Variants in C6orf132 observed in about 807,000 individuals in gnomAD.
C6orf132 encodes the protein chromosome 6 open reading frame 132.
A neutral mutation model predicts 65.3 loss-of-function variants in C6orf132; 43 were observed. The observed-to-expected ratio is 0.66, with a 90% CI of 0.52 to 0.85. The LOEUF is 0.85. Ranked by LOEUF, C6orf132 falls within the 40% of genes least tolerant of loss-of-function variation. C6orf132 has a pLI of 0.00. For synonymous variants in C6orf132, 631 were observed against 654.1 expected (o/e 0.96, Z 0.54); for missense variants, 1,488 against 1,548.8 (o/e 0.96, Z 0.66).
intron 1 of C6orf132, among the ~76,000 whole-genome samples, chr6:42,135,413 T>TGGCGGGTGGGCCAGCTCCG (rs1766925243): frequency 6.6e-6 from 1 of 152,204 alleles, no homozygotes; most frequent in Non-Finnish European, 1.5e-5. Context: ...GTGTTAAATG[T>TGGCGGGTGGGCCAGCTCCG]GGCGGGTGGG....
At position 42,104,580 on chromosome 6, in the gene C6orf132, G is replaced by A. The variant is rs1430555648; in HGVS notation, c.3332C>T (p.Pro1111Leu). ...CCTCGGCGCGTGCAGGCCTCCGGGG[G>A]GCGCGCGACCCGCCGAGTTCACGCG... ...MRRVNSAGRAPPGGLHAPRLS... is the reference protein window; with the variant it reads ...MRRVNSAGRALPGGLHAPRLS... The change falls in exon 4 of 5, where the codon CCC becomes CTC. Residue 1111 changes from proline to leucine, a missense_variant. Pro to Leu is a moderately conservative substitution (Grantham distance 98). Coordinates refer to ENST00000341865, the MANE Select transcript of C6orf132 (RefSeq NM_001164446.3). This position sits in a 1 kb window ranked among gnomAD's most constrained non-coding sequence, Gnocchi z 4.1. 1.4e-5 allele frequency: 18 copies of A among 1,323,544 alleles called. No individual in the cohort carries two copies. Among genetic ancestry groups the A allele is most frequent in the Non-Finnish European group, 1.7e-5 (18 of 1,041,580 alleles). 82.0% of individuals were successfully genotyped at this position (1,323,544 alleles called of 1,614,324 possible). A position where few individuals can be genotyped will look rare whatever the true frequency, so the allele number is the denominator to read the frequency against.
intron 2 of C6orf132, among the ~76,000 whole-genome samples, chr6:42,128,380 G>A (rs986554851): frequency 6.6e-6 from 1 of 152,132 alleles, no homozygotes; most frequent in South Asian, 2.1e-4. Context: ...ATCTGTGACT[G>A]TGGAAAATGA....
At chr6:42,119,248 C>CAAAAAAAAAAAAAAAAA (rs1156356191) in intron 2 of C6orf132, among the ~76,000 whole-genome samples, 6 of 44,776 alleles carry the variant, frequency 1.3e-4, no homozygotes, top group African/African-American at 5.9e-4. Context: ...GACTCTGTCT[C>CAAAAAAAAAAAAAAAAA]AAAAAAAAAA....
rs2127473015 is a variant in C6orf132, at chr6:42,105,259, T to G, written c.2653A>C (p.Ser885Arg). 1.3e-6 allele frequency: 2 copies of G among 1,537,226 alleles called. No homozygotes were observed. The highest frequency in any genetic ancestry group is 2.7e-5 in the African/African-American group (2 of 73,170). ...AEASSDSIFH[S>R]QGTPNSFTVV... The stretch of plus-strand genomic sequence containing the variant: ...GTGAAGGAGTTGGGCGTGCCCTGGC[T>G]GTGGAAGATGCTGTCAGAGCTGGCC... The change falls in exon 4 of 5, where the codon AGC becomes CGC. Residue 885 changes from serine to arginine, a missense_variant. By Grantham distance (110) the Ser-to-Arg change is moderately radical (BLOSUM62 -1). Coordinates refer to ENST00000341865, the MANE Select transcript of C6orf132 (RefSeq NM_001164446.3).
chr6:42,139,985 A>C (rs1767007693), intron 1 of C6orf132, among the ~76,000 whole-genome samples: 1 of 152,238 alleles, frequency 6.6e-6, no homozygotes, highest in Non-Finnish European at 1.5e-5. Flanking sequence ...CTGCACCTGC[A>C]TCCCATCACA....
intron 2 of C6orf132, among the ~76,000 whole-genome samples, chr6:42,112,357 C>T (rs78953576): frequency 0.041 from 6,284 of 152,244 alleles, 222 homozygotes; most frequent in Non-Finnish European, 0.058. Context: ...AGCTGAGCCC[C>T]TCTAGGATGA....
At position 42,106,282 on chromosome 6, in the gene C6orf132, G is replaced by C. The variant is rs1338040283; in HGVS notation, c.1630C>G (p.Pro544Ala). The C allele has an allele frequency of 2.0e-6, 3 of 1,536,790 alleles. No homozygotes were observed. Among genetic ancestry groups the C allele is most frequent in the Non-Finnish European group, 2.6e-6 (3 of 1,146,902 alleles). Residue 544 changes from proline (P) to alanine (A), a missense_variant, in exon 4 of 5, where the codon CCC (proline) becomes GCC (alanine). Pro to Ala is a conservative substitution (Grantham distance 27). Coordinates refer to ENST00000341865, the MANE Select transcript of C6orf132 (RefSeq NM_001164446.3). ...TCCACAGAGGGCAGGGTCAGGCTGG[G>C]GGCAGCCTCTGTCTCTGTCAGGCTG... ...GSSLTETEAA[P>A]SLTLPSVDYI...
intron 2 of C6orf132, among the ~76,000 whole-genome samples, chr6:42,123,290 G>T (rs1261919647): frequency 2.0e-5 from 3 of 152,082 alleles, no homozygotes; most frequent in Non-Finnish European, 2.9e-5. Context: ...GGCTGAGGCA[G>T]GAGAATGGCT....
Position 42,106,897 on chromosome 6 carries a change from G to C in C6orf132, c.1015C>G (p.Pro339Ala). Residue 339 changes from proline (P) to alanine (A), a missense_variant, in exon 4 of 5, where the codon CCA (proline) becomes GCA (alanine). Pro to Ala is a conservative substitution (Grantham distance 27, BLOSUM62 -1). Transcript: ENST00000341865. Reference protein sequence around the residue: ...GATKKAPSRLPLPPSFHIRPA... With the variant: ...GATKKAPSRLALPPSFHIRPA... ...CGGATGTGGAAGCTGGGAGGCAGTG[G>C]GAGTCGGCTGGGAGCCTTCTTGGTG... 6.5e-7 allele frequency: 1 copy of C among 1,536,028 alleles called. No individual in the cohort carries two copies. The highest frequency in any genetic ancestry group is 1.2e-5 in the South Asian group (1 of 84,018).
intron 2 of C6orf132, among the ~76,000 whole-genome samples, chr6:42,116,734 C>G (rs1766585721): frequency 2.6e-5 from 4 of 152,166 alleles, no homozygotes; most frequent in African/African-American, 9.7e-5. Context: ...CCCACCTACT[C>G]CACAAACCCT....
intron 2 of C6orf132, among the ~76,000 whole-genome samples, chr6:42,111,517 C>T (rs1766495387): frequency 1.3e-5 from 2 of 152,050 alleles, no homozygotes; most frequent in Admixed American, 6.6e-5. Flanking sequence ...CTCCTGACCT[C>T]GTGATCTGCC....
rs778068506 is a variant in C6orf132 at position 42,106,589 on chromosome 6, G to A, written c.1323C>T (p.Leu441=). The stretch of plus-strand genomic sequence containing the variant: ...GGCTGGGGGGGTTGGGTTTGGGTTT[G>A]AGAGCAGGAGAGCTGGATTTAGGGG... ...TKTPKSSSPA[L]KPKPNPPSPE... The change falls in exon 4 of 5, where the codon CTC becomes CTT. Residue 441 remains leucine, a synonymous_variant. Coordinates refer to ENST00000341865, the MANE Select transcript of C6orf132 (RefSeq NM_001164446.3). 43 of 1,535,962 alleles carry A rather than the reference G, an allele frequency of 2.8e-5. No individual in the cohort carries two copies. In the African/African-American group the frequency reaches 5.2e-4, roughly 19 times the overall value.
chr6:42,126,748 C>T (rs893097056), intron 2 of C6orf132: 13 of 328,136 alleles, frequency 4.0e-5, no homozygotes, highest in African/African-American at 2.9e-4. Context: ...GAGGCTGAGG[C>T]AGGAGAATCG....
At chr6:42,111,090 T>A (rs1032803964) in intron 2 of C6orf132, among the ~76,000 whole-genome samples, 1 of 151,962 alleles carries the variant, frequency 6.6e-6, no homozygotes, top group African/African-American at 2.4e-5. Context: ...TTTCATTAGG[T>A]GTTTACAGAA....
chr6:42,104,773 CG>C lies in C6orf132; in HGVS notation c.3138del (p.Ala1048LeufsTer15). The C allele has an allele frequency of 6.6e-7, 1 of 1,508,214 alleles. No individual in the cohort carries two copies. Among genetic ancestry groups the C allele is most frequent in the Non-Finnish European group, 8.8e-7 (1 of 1,135,176 alleles). 93.4% of individuals were successfully genotyped at this position (1,508,214 alleles called of 1,614,324 possible). A position where few individuals can be genotyped will look rare whatever the true frequency, so the allele number is the denominator to read the frequency against. On this transcript the variant is annotated frameshift_variant, in exon 4 of 5. Transcript: ENST00000341865. LOFTEE classifies it high-confidence loss of function. This position sits in a 1 kb window ranked among gnomAD's most constrained non-coding sequence, Gnocchi z 4.1. ...GAGAAGCGCTCCAGGCCCCCAGCCC[CG>C]GCGTAGCGCGCGCCCGCGGGAAAGC... The part of the protein sequence containing the change: ...FSRFPAGARY[A>X]GAGGLERFSG...
At chr6:42,140,193 G>A (rs1342684881) in intron 1 of C6orf132, among the ~76,000 whole-genome samples, 3 of 152,278 alleles carry the variant, frequency 2.0e-5, no homozygotes, top group East Asian at 3.8e-4. Context: ...CTTGAGGAAC[G>A]GGAGGAGCTG....
intron 1 of C6orf132, among the ~76,000 whole-genome samples, chr6:42,132,179 A>C (rs1766863262): frequency 6.6e-6 from 1 of 152,194 alleles, no homozygotes. Flanking sequence ...CCTGTGTCAG[A>C]GTTCTGACAC....
chr6:42,142,328 C>T lies in C6orf132; in HGVS notation c.117G>A (p.Glu39=), dbSNP rs1582289684. ...ATNPPWIFTQ[E]APEEGTGGFD... is the part of the protein sequence containing the mutation. Reference sequence around the variant, plus strand: ...AGCCCCCGGTCCCCTCCTCCGGGGCCTCCTGGGTGAAGATCCAGGGCGGAT... The same window carrying T: ...AGCCCCCGGTCCCCTCCTCCGGGGCTTCCTGGGTGAAGATCCAGGGCGGAT... Residue 39 remains glutamate, a synonymous_variant, in exon 1 of 5, where the codon GAG becomes GAA. Transcript: ENST00000341865. 1.3e-6 allele frequency: 2 copies of T among 1,551,256 alleles called. No homozygotes were observed. The highest frequency in any genetic ancestry group is 1.7e-6 in the Non-Finnish European group (2 of 1,146,818).
rs1050048760 is a variant in C6orf132, at chr6:42,124,933, G to A, written c.252+3739C>T. On this transcript the variant is annotated intron_variant, in intron 2 of 4. Transcript: ENST00000341865. The surrounding 1 kb of genome is among the most constrained non-coding windows in gnomAD (Gnocchi z 4.0). ...GTGAGGAGCACAGAAGAGTCCCTGT[G>A]ATGTGGGCCACTGGGCCAAGGGTTC... is the stretch of plus-strand genomic sequence containing the variant. Among the ~76,000 whole-genome samples, 1 of 152,222 alleles carries A rather than the reference G, an allele frequency of 6.6e-6. No homozygotes were observed. The highest frequency in any genetic ancestry group is 1.5e-5 in the Non-Finnish European group (1 of 68,046).
Sources: allele counts gnomAD v4.1 joint callset (sites outside exome capture counted in the v4.1 genomes callset), GRCh38; gene constraint gnomAD v4.1.1; non-coding constraint Gnocchi (gnomAD v3.1); transcripts MANE v1.5; gene names NCBI Gene and HGNC (gene_info 2026-07-23, HGNC 2026-07-21).